PCDH9: variants seen among roughly 807,000 people sequenced by gnomAD.
The protein encoded by PCDH9 is protocadherin 9.
Under a neutral mutation model 70.6 loss-of-function variants are expected in PCDH9, and 24 were observed. That is an observed-to-expected ratio of 0.34 (90% confidence interval 0.25 to 0.48). PCDH9 has a LOEUF of 0.48. Ranked by LOEUF, PCDH9 falls within the 20% of genes least tolerant of loss-of-function variation. The pLI is 0.99. For missense variants in PCDH9, 1,281 were observed against 1,503.6 expected (o/e 0.85, Z 2.45); for synonymous variants, 562 against 558.5 (o/e 1.01, Z -0.09).
intron 4 of PCDH9, among the ~76,000 whole-genome samples, chr13:66,541,569 CA>C (rs993881755): frequency 2.2e-4 from 33 of 152,240 alleles, no homozygotes; most frequent in African/African-American, 7.7e-4. Context: ...CCTCTGTTTT[CA>C]TATGTCCATC....
At position 67,187,956 on chromosome 13, in the gene PCDH9, T is replaced by C. The variant is rs556252815; in HGVS notation, c.3036+37449A>G. On this transcript the variant is annotated intron_variant, in intron 2 of 4. Transcript: ENST00000377865. ...AGTTATTTTGAAATAAACAATAAAT[T>C]ATTGTTAACTATAGTCACCCTGTAC... Among the ~76,000 whole-genome samples the C allele has an allele frequency of 2.0e-5, 3 of 152,216 alleles. No homozygotes were observed. In the South Asian group the frequency reaches 6.2e-4, roughly 32 times the overall value.
At chr13:66,501,741 A>G (rs1725692900) in intron 4 of PCDH9, among the ~76,000 whole-genome samples, 1 of 152,120 alleles carries the variant, frequency 6.6e-6, no homozygotes, top group African/African-American at 2.4e-5. Context: ...TGACTAAAAA[A>G]ATCAAACTGA....
intron 2 of PCDH9, among the ~76,000 whole-genome samples, chr13:67,198,652 T>A (rs2089135712): frequency 6.6e-6 from 1 of 151,846 alleles, no homozygotes; most frequent in Admixed American, 6.6e-5. Context: ...ATAAATGAAG[T>A]GTGGAATTAC....
chr13:66,564,336 T>C (rs2076620915), intron 4 of PCDH9, among the ~76,000 whole-genome samples: 1 of 122,338 alleles, frequency 8.2e-6, no homozygotes, highest in Admixed American at 9.6e-5. Flanking sequence ...AGCTGATTTT[T>C]AGATTTTTTT....
intron 4 of PCDH9, among the ~76,000 whole-genome samples, chr13:66,422,448 T>TAACA (rs1957584912): frequency 1.3e-5 from 2 of 151,054 alleles, no homozygotes; most frequent in Non-Finnish European, 1.5e-5. Flanking sequence ...ACAGAAATCA[T>TAACA]AACAGTCTCT....
chr13:66,369,883 T>C (rs1292415674), intron 4 of PCDH9, among the ~76,000 whole-genome samples: 1 of 152,124 alleles, frequency 6.6e-6, no homozygotes. Context: ...TTGTCAAAAA[T>C]GTCAGAAATG....
chr13:67,174,314 GATACATACATAC>G (rs75349589), intron 2 of PCDH9, among the ~76,000 whole-genome samples: 11 of 149,574 alleles, frequency 7.4e-5, no homozygotes, highest in South Asian at 2.1e-4. Flanking sequence ...TAGATAGATA[GATACATACATAC>G]ATACATACAT....
chr13:66,977,992 T>C (rs902814479), intron 2 of PCDH9, among the ~76,000 whole-genome samples: 1 of 152,188 alleles, frequency 6.6e-6, no homozygotes, highest in Non-Finnish European at 1.5e-5. Flanking sequence ...TATTTTTTCA[T>C]ACCTGTTGTA....
intron 3 of PCDH9, among the ~76,000 whole-genome samples, chr13:66,737,228 G>A (rs1310219465): frequency 3.3e-5 from 5 of 151,916 alleles, no homozygotes; most frequent in African/African-American, 9.7e-5. Context: ...ATAAAAACAC[G>A]TGATTGCTTG....
At chr13:66,547,986 AGCTTTTTGTTGTT>A (rs1961291977) in intron 4 of PCDH9, among the ~76,000 whole-genome samples, 2 of 148,934 alleles carry the variant, frequency 1.3e-5, no homozygotes, top group Admixed American at 1.3e-4. Context: ...GATGTATAGA[AGCTTTTTGTTGTT>A]TGCGTGTGTA....
chr13:66,846,629 T>C (rs1358924738), intron 3 of PCDH9, among the ~76,000 whole-genome samples: 1 of 152,166 alleles, frequency 6.6e-6, no homozygotes. Flanking sequence ...TCTCGTTCAC[T>C]TCTTGCCAGA....
At chr13:67,011,695 GATTAAATAACCTATTTGGAGTGAGTC>G (rs1293755505) in intron 2 of PCDH9, among the ~76,000 whole-genome samples, 2 of 151,862 alleles carry the variant, frequency 1.3e-5, no homozygotes, top group Non-Finnish European at 2.9e-5. Context: ...AGTACTAACA[GATTAAATAACCTATTTGGAGTGAGTC>G]ATGCATGATG....
chr13:66,707,279 C>T (rs1474156829), intron 3 of PCDH9, among the ~76,000 whole-genome samples: 2 of 152,110 alleles, frequency 1.3e-5, no homozygotes, highest in Non-Finnish European at 2.9e-5. Flanking sequence ...CACTACAGAA[C>T]AATTTTGACT....
intron 4 of PCDH9, among the ~76,000 whole-genome samples, chr13:66,443,791 G>C (rs185676399): frequency 2.0e-4 from 30 of 152,144 alleles, no homozygotes; most frequent in African/African-American, 5.1e-4. Context: ...AGAATGCTAT[G>C]CTTTTCATCA....
chr13:66,538,486 AG>A (rs1960802839), intron 4 of PCDH9, among the ~76,000 whole-genome samples: 1 of 152,194 alleles, frequency 6.6e-6, no homozygotes, highest in South Asian at 2.1e-4. Context: ...CAGAACCAAC[AG>A]GACATATATA....
intron 3 of PCDH9, among the ~76,000 whole-genome samples, chr13:66,739,280 C>T (rs2079214221): frequency 8.7e-6 from 1 of 114,396 alleles, no homozygotes; most frequent in African/African-American, 2.9e-5. Context: ...ACTTTACAGA[C>T]AAGCAAATGC....
rs113115397 is a variant in PCDH9 at position 66,861,042 on chromosome 13, A to T, written c.3138+42462T>A. ...TCTGAACTGGCATCCCAGCTGGGAA[A>T]AGAAATGTTTACTGAGACTTGCTGA... is the stretch of plus-strand genomic sequence containing the variant. On this transcript the variant is annotated intron_variant, in intron 3 of 4. Coordinates refer to ENST00000377865, the MANE Select transcript of PCDH9 (RefSeq NM_203487.3). Among the ~76,000 whole-genome samples the T allele has an allele frequency of 5.9e-5, 9 of 152,300 alleles. 1 individual carries two copies. The highest frequency in any genetic ancestry group is 1.9e-4 in the African/African-American group (8 of 41,574).
At chr13:67,198,858 A>C (rs1340324852) in intron 2 of PCDH9, among the ~76,000 whole-genome samples, 1 of 151,860 alleles carries the variant, frequency 6.6e-6, no homozygotes, top group Non-Finnish European at 1.5e-5. Flanking sequence ...CTATAGGAGA[A>C]ATAATGACCT....
chr13:66,918,912 A>G (rs976743563), intron 2 of PCDH9, among the ~76,000 whole-genome samples: 1 of 151,058 alleles, frequency 6.6e-6, no homozygotes, highest in African/African-American at 2.4e-5. Context: ...TGCACCATCT[A>G]TTTTCAACCT....
Sources: allele counts gnomAD v4.1 joint callset (sites outside exome capture counted in the v4.1 genomes callset), GRCh38; gene constraint gnomAD v4.1.1; transcripts MANE v1.5; gene names NCBI Gene and HGNC (gene_info 2026-07-23, HGNC 2026-07-21).